LDAH: variants seen among roughly 807,000 people sequenced by gnomAD.
LDAH encodes the protein lipid droplet-associated hydrolase.
Under a neutral mutation model 29.6 loss-of-function variants are expected in LDAH, and 26 were observed. The ratio of observed to expected loss-of-function variants is 0.88; its 90% CI spans 0.64 to 1.22. The LOEUF is 1.22. Among genes scored for constraint, LDAH ranks in the 50% most tolerant of loss-of-function variants. The probability of loss-of-function intolerance (pLI) is 0.00; values close to 1 mark genes in which losing one functional copy is unlikely to be tolerated. For synonymous variants in LDAH, 117 were observed against 133.0 expected, an observed-to-expected ratio of 0.88 and a Z score of 0.83; for missense variants, 344 against 387.3, an observed-to-expected ratio of 0.89 and a Z score of 0.94.
chr2:20,758,199 T>C (rs1257094942), intron 4 of LDAH, among the ~76,000 whole-genome samples: 1 of 152,218 alleles, frequency 6.6e-6, no homozygotes, highest in Non-Finnish European at 1.5e-5. Context: ...TCATGTCAAA[T>C]ATATGATCTC....
At chr2:20,810,368 G>C (rs1158200292) in intron 1 of LDAH, among the ~76,000 whole-genome samples, 2 of 152,180 alleles carry the variant, frequency 1.3e-5, no homozygotes, top group African/African-American at 4.8e-5. Context: ...CCAGATTAAA[G>C]TTGTATCACC....
At chr2:20,740,802 TC>T (rs1189518980) in intron 4 of LDAH, among the ~76,000 whole-genome samples, 1 of 152,212 alleles carries the variant, frequency 6.6e-6, no homozygotes, top group Non-Finnish European at 1.5e-5. Context: ...AATTGCTGGA[TC>T]ACATGGTAAG....
chr2:20,692,744 G>A (rs1433828900), intron 6 of LDAH, among the ~76,000 whole-genome samples: 1 of 152,158 alleles, frequency 6.6e-6, no homozygotes, highest in Non-Finnish European at 1.5e-5. Context: ...GAGAAATCCA[G>A]CTTGATGAGC....
At chr2:20,689,536 C>T (rs1457856726) in intron 6 of LDAH, among the ~76,000 whole-genome samples, 8 of 152,150 alleles carry the variant, frequency 5.3e-5, no homozygotes, top group South Asian at 2.1e-4. Flanking sequence ...CACGTTTCCC[C>T]GGATCTCTCA....
At chr2:20,762,140 C>G (rs72784361) in intron 4 of LDAH, among the ~76,000 whole-genome samples, 8,078 of 152,014 alleles carry the variant, frequency 0.053, 309 homozygotes, top group Non-Finnish European at 0.078. Flanking sequence ...ATTTTAATGG[C>G]TGTACTTTCC....
intron 6 of LDAH, among the ~76,000 whole-genome samples, chr2:20,699,710 T>C (rs981399930): frequency 1.3e-5 from 2 of 152,240 alleles, no homozygotes; most frequent in Admixed American, 6.5e-5. Context: ...AGTTTATTCC[T>C]GTGACTGTGT....
intron 4 of LDAH, among the ~76,000 whole-genome samples, chr2:20,748,105 T>C (rs981453888): frequency 1.3e-5 from 2 of 152,190 alleles, no homozygotes; most frequent in Non-Finnish European, 2.9e-5. Flanking sequence ...AATAATTAAA[T>C]CCATATCCTA....
At chr2:20,716,112 C>T (rs1323822918) in intron 5 of LDAH, among the ~76,000 whole-genome samples, 1 of 152,152 alleles carries the variant, frequency 6.6e-6, no homozygotes, top group Non-Finnish European at 1.5e-5. Flanking sequence ...AATTGGAATG[C>T]TTTTACACTG....
chr2:20,778,922 CATAT>C (rs58528359), intron 3 of LDAH, among the ~76,000 whole-genome samples: 42 of 147,788 alleles, frequency 2.8e-4, no homozygotes, highest in African/African-American at 6.2e-4. Flanking sequence ...AACTGCCATT[CATAT>C]ATATATATAT....
intron 3 of LDAH, among the ~76,000 whole-genome samples, chr2:20,788,100 T>C (rs1670684222): frequency 1.3e-5 from 2 of 152,222 alleles, no homozygotes; most frequent in Non-Finnish European, 2.9e-5. Context: ...CAGTTTTCCA[T>C]ACTAAATTGT....
At chr2:20,798,795 T>C (rs1386866982) in intron 2 of LDAH, among the ~76,000 whole-genome samples, 8 of 151,790 alleles carry the variant, frequency 5.3e-5, no homozygotes, top group East Asian at 1.9e-4. Context: ...CTCAGGAGAA[T>C]TGCTTGAACC....
chr2:20,690,409 G>C (rs566665538), intron 6 of LDAH, among the ~76,000 whole-genome samples: 3 of 152,270 alleles, frequency 2.0e-5, no homozygotes, highest in East Asian at 1.9e-4. Context: ...GGCCCCATTT[G>C]GTTAAACGCC....
chr2:20,799,070 T>C (rs1445053076), intron 2 of LDAH, among the ~76,000 whole-genome samples: 1 of 151,642 alleles, frequency 6.6e-6, no homozygotes, highest in Non-Finnish European at 1.5e-5. Context: ...CTACTAAGAC[T>C]ACAAAAATTA....
intron 4 of LDAH, among the ~76,000 whole-genome samples, chr2:20,766,860 C>T (rs988825836): frequency 9.9e-5 from 15 of 152,164 alleles, no homozygotes; most frequent in Non-Finnish European, 1.9e-4. Context: ...CTGACTGTGA[C>T]GCCTGCTTCG....
chr2:20,729,379 TAAG>T (rs1467283317), intron 5 of LDAH, among the ~76,000 whole-genome samples: 1 of 152,216 alleles, frequency 6.6e-6, no homozygotes, highest in East Asian at 1.9e-4. Context: ...AATATACCGT[TAAG>T]AATAATTTGT....
intron 5 of LDAH, among the ~76,000 whole-genome samples, chr2:20,725,367 G>C (rs2149406762): frequency 6.6e-6 from 1 of 152,306 alleles, no homozygotes; most frequent in East Asian, 1.9e-4. Context: ...ATTTAGACAA[G>C]ATTTGAAGAA....
chr2:20,778,596 A>C (rs980734886), intron 3 of LDAH, among the ~76,000 whole-genome samples: 5 of 152,324 alleles, frequency 3.3e-5, no homozygotes, highest in South Asian at 2.1e-4. Flanking sequence ...GAAAGTACAG[A>C]CATAAATAAA....
At chr2:20,700,235 C>T (rs1057159399) in intron 6 of LDAH, among the ~76,000 whole-genome samples, 4 of 152,248 alleles carry the variant, frequency 2.6e-5, no homozygotes, top group Non-Finnish European at 4.4e-5. Context: ...GGCCCCAGCA[C>T]TCTCCCTTCG....
intron 6 of LDAH, among the ~76,000 whole-genome samples, chr2:20,700,967 C>A (rs1208189993): frequency 6.6e-6 from 1 of 152,146 alleles, no homozygotes; most frequent in Non-Finnish European, 1.5e-5. Context: ...GACAGCCAGA[C>A]AAATGATGCC....
Sources: allele counts gnomAD v4.1 joint callset (sites outside exome capture counted in the v4.1 genomes callset), GRCh38; gene constraint gnomAD v4.1.1; transcripts MANE v1.5; gene names NCBI Gene and HGNC (gene_info 2026-07-23, HGNC 2026-07-21).